PARVB: variants seen among roughly 807,000 people sequenced by gnomAD.
PARVB encodes the protein beta-parvin.
In PARVB, 46 loss-of-function variants were observed where a neutral mutation model predicts 47.0. The ratio of observed to expected loss-of-function variants is 0.98; its 90% CI spans 0.77 to 1.25. The LOEUF (loss-of-function observed/expected upper bound fraction) is 1.25, where lower values mean the gene tolerates loss of function less well. Ranked by LOEUF, PARVB falls within the 50% of genes most tolerant of loss-of-function variation. PARVB has a pLI of 0.00. For synonymous variants in PARVB, 196 were observed against 196.3 expected, an observed-to-expected ratio of 1.00 and a Z score of 0.01; for missense variants, 473 against 471.6, an observed-to-expected ratio of 1.00 and a Z score of -0.03.
chr22:44,062,446 G>A (rs1486053080), intron 1 of PARVB, among the ~76,000 whole-genome samples: 2 of 152,010 alleles, frequency 1.3e-5, no homozygotes, highest in South Asian at 2.1e-4. Flanking sequence ...GAGACCAACC[G>A]GGCCAACATA....
intron 1 of PARVB, among the ~76,000 whole-genome samples, chr22:44,053,940 C>T (rs1478673225): frequency 6.6e-6 from 1 of 152,166 alleles, no homozygotes; most frequent in East Asian, 1.9e-4. Context: ...CTGGAAGCTC[C>T]CTGAATCCTG....
intron 9 of PARVB, chr22:44,151,140 T>G: frequency 4.7e-6 from 1 of 214,374 alleles, no homozygotes. Flanking sequence ...CTAAGATACA[T>G]TTGCAAATGT....
intron 1 of PARVB, among the ~76,000 whole-genome samples, chr22:44,074,821 A>G (rs2051731704): frequency 6.6e-6 from 1 of 152,184 alleles, no homozygotes; most frequent in African/African-American, 2.4e-5. Flanking sequence ...AGCCAAGACA[A>G]TGGAGTCATC....
At chr22:44,141,731 T>TC (rs1247386142) in intron 8 of PARVB, 2 of 152,332 alleles carry the variant, frequency 1.3e-5, no homozygotes, top group African/African-American at 2.4e-5. Flanking sequence ...AGCCAGCGTG[T>TC]CCCCCCTAGG....
chr22:44,088,187 A>G (rs1019473859), intron 1 of PARVB, among the ~76,000 whole-genome samples: 4 of 152,164 alleles, frequency 2.6e-5, no homozygotes, highest in African/African-American at 9.7e-5. Flanking sequence ...CCTTGAATAT[A>G]TTAAAAGGCC....
At chr22:44,087,099 G>A (rs1456545189) in intron 1 of PARVB, 1 of 152,290 alleles carries the variant, frequency 6.6e-6, no homozygotes. Context: ...AAAAGGGCTG[G>A]TTAAGTGTTT....
chr22:44,091,313 T>G (rs2147037194), intron 1 of PARVB, among the ~76,000 whole-genome samples: 1 of 146,274 alleles, frequency 6.8e-6, no homozygotes, highest in East Asian at 1.9e-4. Flanking sequence ...AAAAAAATTG[T>G]TGTAAAATAG....
chr22:44,048,088 G>A (rs1405817960), intron 1 of PARVB, among the ~76,000 whole-genome samples: 1 of 152,150 alleles, frequency 6.6e-6, no homozygotes, highest in Non-Finnish European at 1.5e-5. Context: ...TGGGGGTTCA[G>A]GCAGGCAGAA....
At chr22:44,026,255 T>G (rs1239070089) in intron 1 of PARVB, 15 of 938,402 alleles carry the variant, frequency 1.6e-5, no homozygotes, top group Non-Finnish European at 1.8e-5. Flanking sequence ...AGGCCCAGCC[T>G]GGTTTAATTC....
intron 11 of PARVB, chr22:44,162,707 T>A (rs544504273): frequency 6.6e-6 from 1 of 152,396 alleles, no homozygotes; most frequent in East Asian, 1.9e-4. Context: ...TGTCCCCTCC[T>A]CCCATCAGCC....
At chr22:44,001,691 T>A (rs1205015648) in intron 2 of PARVB, among the ~76,000 whole-genome samples, 2 of 152,224 alleles carry the variant, frequency 1.3e-5, no homozygotes, top group Non-Finnish European at 2.9e-5. Context: ...CAGTTTTCAC[T>A]TGAAGCCCGC....
At chr22:44,058,109 A>C (rs1291720565) in intron 1 of PARVB, among the ~76,000 whole-genome samples, 1 of 152,206 alleles carries the variant, frequency 6.6e-6, no homozygotes, top group African/African-American at 2.4e-5. Flanking sequence ...CAAAATCTGC[A>C]TTAATTTCCT....
At chr22:44,046,874 C>G (rs772004818) in intron 1 of PARVB, among the ~76,000 whole-genome samples, 6 of 151,954 alleles carry the variant, frequency 3.9e-5, no homozygotes, top group Non-Finnish European at 7.4e-5. Context: ...TTATCAGTGC[C>G]GGGAGAGCAG....
rs146831415 is a variant in PARVB, at chr22:44,136,790, C to G, written c.692+272C>G. On this transcript the variant is annotated intron_variant, in intron 7 of 12. Coordinates refer to ENST00000338758, the MANE Select transcript of PARVB (RefSeq NM_013327.5). The stretch of plus-strand genomic sequence containing the variant: ...TAAAAGGTGAGCTGTAAGAACATTG[C>G]AAAGTGGGGCAGGCAGAGAGAGTTC... 2.0e-5 allele frequency among the ~76,000 whole-genome samples: 3 copies of G among 152,326 alleles called. No individual in the cohort carries two copies. The East Asian group carries it at 5.8e-4, about 29-fold the overall frequency.
At chr22:44,078,862 T>G (rs370933086) in intron 1 of PARVB, among the ~76,000 whole-genome samples, 25 of 152,248 alleles carry the variant, frequency 1.6e-4, no homozygotes, top group East Asian at 1.4e-3. Flanking sequence ...GTAACTAGGA[T>G]TACAGGCGCA....
intron 4 of PARVB, among the ~76,000 whole-genome samples, chr22:44,126,982 A>C (rs1329918239): frequency 6.6e-6 from 1 of 152,210 alleles, no homozygotes. Flanking sequence ...TTAAAGCTGC[A>C]TCTTCCCCTC....
intron 2 of PARVB, among the ~76,000 whole-genome samples, chr22:44,096,976 G>A (rs11705152): frequency 0.071 from 10,757 of 151,956 alleles, 382 homozygotes; most frequent in Middle Eastern, 0.11. Context: ...CTGACCCCCC[G>A]GCACCCCCTG....
Position 44,172,510 on chromosome 22 carries a change from G to T in PARVB, c.*3832G>T, listed in dbSNP as rs1376996486. On this transcript the variant is annotated 3_prime_UTR_variant, in exon 13 of 13. Transcript: ENST00000338758. The stretch of plus-strand genomic sequence containing the variant: ...CTGATTCTCCTTCTCCATGTGACGT[G>T]TCTCTCAACCCACACCAGCTAGGGG... 1 of 163,890 alleles carries T rather than the reference G, an allele frequency of 6.1e-6. No individual in the cohort carries two copies. Among genetic ancestry groups the T allele is most frequent in the Non-Finnish European group, 1.4e-5 (1 of 73,916 alleles). 10.2% of individuals were successfully genotyped at this position (163,890 alleles called of 1,614,324 possible).
At chr22:44,069,684 G>A (rs1448750809) in intron 1 of PARVB, among the ~76,000 whole-genome samples, 2 of 151,996 alleles carry the variant, frequency 1.3e-5, no homozygotes, top group South Asian at 2.1e-4. Context: ...TCCCGCCACC[G>A]CGCCTGGCTA....
Sources: allele counts gnomAD v4.1 joint callset (sites outside exome capture counted in the v4.1 genomes callset), GRCh38; gene constraint gnomAD v4.1.1; transcripts MANE v1.5; gene names NCBI Gene and HGNC (gene_info 2026-07-23, HGNC 2026-07-21).